NAALADL2: variants seen among roughly 807,000 people sequenced by gnomAD.
The protein encoded by NAALADL2 is inactive N-acetylated-alpha-linked acidic dipeptidase-like protein 2.
Under a neutral mutation model 87.2 loss-of-function variants are expected in NAALADL2, and 76 were observed. That is an observed-to-expected ratio of 0.87 (90% CI 0.72 to 1.05). NAALADL2 has a LOEUF of 1.05. NAALADL2 is among the 50% of genes least tolerant of loss of function. The pLI is 0.00. For synonymous variants in NAALADL2, 354 were observed against 331.0 expected (o/e 1.07, Z -0.75); for missense variants, 1,089 against 945.8 (o/e 1.15, Z -1.99).
chr3:174,566,645 C>T (rs2108523951), intron 2 of NAALADL2, among the ~76,000 whole-genome samples: 1 of 151,460 alleles, frequency 6.6e-6, no homozygotes, highest in African/African-American at 2.4e-5. Context: ...TAATTTTTTC[C>T]CTTATTTTTC....
chr3:174,615,162 G>A (rs1181830781), intron 2 of NAALADL2, among the ~76,000 whole-genome samples: 1 of 152,176 alleles, frequency 6.6e-6, no homozygotes, highest in Non-Finnish European at 1.5e-5. Flanking sequence ...ACTCAGAAAG[G>A]CTTGCACAGG....
At chr3:175,468,486 AT>A (rs1413619043) in intron 8 of NAALADL2, among the ~76,000 whole-genome samples, 5 of 152,070 alleles carry the variant, frequency 3.3e-5, no homozygotes, top group Non-Finnish European at 7.4e-5. Flanking sequence ...AATCTATACC[AT>A]TTTTAATACA....
intron 1 of NAALADL2, chr3:174,864,093 G>C: frequency 2.2e-6 from 1 of 455,656 alleles, no homozygotes; most frequent in Non-Finnish European, 4.4e-6. Flanking sequence ...AATCCAAGGT[G>C]AGTCTGACCT....
rs572543760 is a variant in NAALADL2 at position 174,753,270 on chromosome 3, T to A, written c.-9+15524T>A. On this transcript the variant is annotated intron_variant, in intron 3 of 3. Transcript: ENST00000434257. ...TTTGTATTTTTATTAGAGTTGGGGT[T>A]TCACCCCATTGGCCTGGCTGGTCTC... is the stretch of plus-strand genomic sequence containing the variant. Among the ~76,000 whole-genome samples, 8 of 152,316 alleles carry A rather than the reference T, an allele frequency of 5.3e-5. No homozygotes were observed. In the East Asian group the frequency reaches 1.5e-3, roughly 29 times the overall value.
intron 1 of NAALADL2, among the ~76,000 whole-genome samples, chr3:174,545,143 G>T (rs898870346): frequency 1.3e-5 from 2 of 152,090 alleles, no homozygotes; most frequent in Non-Finnish European, 2.9e-5. Context: ...CCTCCTAAAT[G>T]TTGGGATTAC....
intron 10 of NAALADL2, among the ~76,000 whole-genome samples, chr3:175,622,302 A>G (rs905812770): frequency 6.6e-6 from 1 of 152,160 alleles, no homozygotes; most frequent in Non-Finnish European, 1.5e-5. Context: ...GGGAGGTCAA[A>G]GAATTCTGTG....
chr3:175,621,850 C>T (rs1726276413), intron 10 of NAALADL2, among the ~76,000 whole-genome samples: 1 of 152,026 alleles, frequency 6.6e-6, no homozygotes, highest in Non-Finnish European at 1.5e-5. Context: ...GAACAAATTT[C>T]CCAAGTATAT....
chr3:175,605,847 A>C (rs1211395209), intron 10 of NAALADL2, among the ~76,000 whole-genome samples: 1 of 152,124 alleles, frequency 6.6e-6, no homozygotes, highest in Non-Finnish European at 1.5e-5. Context: ...ATTGGACTAC[A>C]AATTGCATCA....
chr3:175,789,960 A>G (rs778519339), intron 13 of NAALADL2, among the ~76,000 whole-genome samples: 4 of 152,132 alleles, frequency 2.6e-5, no homozygotes, highest in Non-Finnish European at 4.4e-5. Flanking sequence ...GTTTAAACAC[A>G]TAGTGACAAC....
At chr3:175,273,301 A>T (rs6798678) in intron 4 of NAALADL2, among the ~76,000 whole-genome samples, 5,968 of 152,216 alleles carry the variant, frequency 0.039, 390 homozygotes, top group African/African-American at 0.14. Context: ...GCCTACAGAC[A>T]TGACAAATTG....
rs548313419 is a variant in NAALADL2, at chr3:174,974,917, T to C, written c.43+115467T>C. Among the ~76,000 whole-genome samples, 250 of 152,296 alleles carry C rather than the reference T, an allele frequency of 1.6e-3. 2 individuals carry two copies. The highest frequency in any genetic ancestry group is 5.8e-3 in the African/African-American group (240 of 41,576). On this transcript the variant is annotated intron_variant, in intron 1 of 13. Coordinates refer to ENST00000454872, the MANE Select transcript of NAALADL2 (RefSeq NM_207015.3). ...TTTCAGGGATGATAGTTTTTTGCTT[T>C]TTTTAAAGACAATTCAATTTTCAAA...
chr3:175,153,534 C>T (rs1580714031), intron 2 of NAALADL2, among the ~76,000 whole-genome samples: 1 of 152,134 alleles, frequency 6.6e-6, no homozygotes, highest in Non-Finnish European at 1.5e-5. Flanking sequence ...GGACACTGGG[C>T]CAGCACTGAT....
chr3:175,235,676 G>T (rs1469147051), intron 3 of NAALADL2: 1 of 152,218 alleles, frequency 6.6e-6, no homozygotes. Context: ...AGTTGGCTCA[G>T]CTCATGTCTT....
intron 1 of NAALADL2, among the ~76,000 whole-genome samples, chr3:174,897,237 G>A (rs1285226824): frequency 6.6e-6 from 1 of 152,104 alleles, no homozygotes; most frequent in African/African-American, 2.4e-5. Context: ...ACAACCCATA[G>A]AATGGGAGAA....
chr3:175,530,660 G>C (rs1427823277), intron 9 of NAALADL2, among the ~76,000 whole-genome samples: 1 of 152,174 alleles, frequency 6.6e-6, no homozygotes, highest in African/African-American at 2.4e-5. Context: ...AGTGCAGGCT[G>C]GAAGACAGAA....
At chr3:175,112,125 T>A (rs981022164) in intron 2 of NAALADL2, among the ~76,000 whole-genome samples, 1 of 151,650 alleles carries the variant, frequency 6.6e-6, no homozygotes, top group African/African-American at 2.4e-5. Context: ...TATGATTACA[T>A]TATTTTTGTT....
intron 2 of NAALADL2, among the ~76,000 whole-genome samples, chr3:174,677,573 T>C (rs1474099053): frequency 1.3e-5 from 2 of 152,138 alleles, no homozygotes. Context: ...AGTAAATCAT[T>C]GTGCCTAGAA....
chr3:175,018,383 T>C (rs1751126666), intron 1 of NAALADL2, among the ~76,000 whole-genome samples: 1 of 152,056 alleles, frequency 6.6e-6, no homozygotes, highest in Non-Finnish European at 1.5e-5. Context: ...CAACAAGAGA[T>C]GGCTTAAGAA....
intron 1 of NAALADL2, among the ~76,000 whole-genome samples, chr3:174,915,360 T>C (rs767918008): frequency 9.9e-5 from 15 of 152,142 alleles, no homozygotes; most frequent in Non-Finnish European, 5.9e-5. Flanking sequence ...TTAGACATAC[T>C]GAAGTTGCTG....
Sources: gnomAD v4.1 joint callset for allele counts (sites outside exome capture counted in the v4.1 genomes callset) on GRCh38, gnomAD v4.1.1 for gene constraint, MANE v1.5 for transcripts, NCBI Gene and HGNC (gene_info 2026-07-23, HGNC 2026-07-21) for gene names.